MAP7: variants seen among roughly 807,000 people sequenced by gnomAD.
MAP7 encodes microtubule associated protein 7.
In MAP7, 52 loss-of-function variants were observed where a neutral mutation model predicts 94.8. The observed-to-expected ratio is 0.55, with a 90% CI of 0.44 to 0.69. The LOEUF is 0.69. Among genes scored for constraint, MAP7 ranks in the 30% least tolerant of loss-of-function variants. MAP7 has a pLI of 0.00. For missense variants in MAP7, 940 were observed against 964.6 expected, an observed-to-expected ratio of 0.97 and a Z score of 0.34; for synonymous variants, 350 against 357.0, an observed-to-expected ratio of 0.98 and a Z score of 0.22.
intron 1 of MAP7, among the ~76,000 whole-genome samples, chr6:136,468,848 C>T (rs368317596): frequency 3.9e-5 from 6 of 152,122 alleles, no homozygotes; most frequent in East Asian, 1.9e-4. Context: ...TTCTCACTTC[C>T]GAGCAACAAA....
intron 1 of MAP7, among the ~76,000 whole-genome samples, chr6:136,493,121 CTTTT>C (rs397795796): frequency 4.1e-5 from 5 of 123,338 alleles, no homozygotes; most frequent in Non-Finnish European, 8.3e-5. Flanking sequence ...TTCTTCTTTC[CTTTT>C]TTTTTTTTTT....
intron 1 of MAP7, among the ~76,000 whole-genome samples, chr6:136,435,998 G>A (rs1019403335): frequency 6.6e-6 from 1 of 152,074 alleles, no homozygotes; most frequent in African/African-American, 2.4e-5. Flanking sequence ...GTGCAAATGT[G>A]TCCCAGCTTT....
At chr6:136,373,596 G>C (rs1354367967) in intron 7 of MAP7, among the ~76,000 whole-genome samples, 11 of 152,170 alleles carry the variant, frequency 7.2e-5, no homozygotes, top group Non-Finnish European at 1.6e-4. Context: ...AAAAGTGTGA[G>C]TATTCAGGTT....
intron 1 of MAP7, among the ~76,000 whole-genome samples, chr6:136,431,378 A>G (rs9376187): frequency 0.1 from 15,221 of 152,238 alleles, 1,655 homozygotes; most frequent in East Asian, 0.27. Context: ...ACATAATGGG[A>G]AATACTTGAT....
chr6:136,354,212 C>T (rs934234999), intron 16 of MAP7, among the ~76,000 whole-genome samples: 68 of 142,482 alleles, frequency 4.8e-4, no homozygotes, highest in African/African-American at 1.6e-3. Flanking sequence ...TATAAATTTC[C>T]TTTATATAAA....
At chr6:136,354,447 GTAGA>G in intron 16 of MAP7, among the ~76,000 whole-genome samples, 1 of 128,122 alleles carries the variant, frequency 7.8e-6, no homozygotes, top group Non-Finnish European at 1.5e-5. Flanking sequence ...TATATATATA[GTAGA>G]TATATATAAA....
intron 1 of MAP7, among the ~76,000 whole-genome samples, chr6:136,446,455 C>A (rs907183636): frequency 1.3e-5 from 2 of 152,196 alleles, no homozygotes; most frequent in South Asian, 4.1e-4. Flanking sequence ...CAACCCAGTC[C>A]TTTTGAGCTT....
chr6:136,511,378 T>A (rs1314132956), intron 1 of MAP7, among the ~76,000 whole-genome samples: 1 of 151,788 alleles, frequency 6.6e-6, no homozygotes, highest in African/African-American at 2.4e-5. Flanking sequence ...AAATCCAGAG[T>A]GCTGAGGTTT....
intron 1 of MAP7, among the ~76,000 whole-genome samples, chr6:136,510,849 G>T (rs191735257): frequency 6.6e-6 from 1 of 151,928 alleles, no homozygotes; most frequent in Non-Finnish European, 1.5e-5. Context: ...TTCAGGCATC[G>T]ACTGAGGCTC....
At chr6:136,370,362 T>G (rs372475517) in intron 8 of MAP7, among the ~76,000 whole-genome samples, 143 of 152,294 alleles carry the variant, frequency 9.4e-4, no homozygotes, top group African/African-American at 3.3e-3. Flanking sequence ...GCATGGAGGC[T>G]CCTCAAAAAA....
chr6:136,468,583 C>A (rs1399276059), intron 1 of MAP7, among the ~76,000 whole-genome samples: 1 of 152,214 alleles, frequency 6.6e-6, no homozygotes, highest in African/African-American at 2.4e-5. Context: ...GCTAAGAACA[C>A]TGACATTAGG....
chr6:136,420,102 T>G (rs1790802623), intron 2 of MAP7: 3 of 859,052 alleles, frequency 3.5e-6, no homozygotes, highest in Admixed American at 3.5e-5. Context: ...TAAAGGAAAT[T>G]ATAAATGCTT....
At chr6:136,503,539 G>A (rs1041536407) in intron 1 of MAP7, among the ~76,000 whole-genome samples, 7 of 152,050 alleles carry the variant, frequency 4.6e-5, no homozygotes, top group Admixed American at 2.6e-4. Flanking sequence ...CAGTGACTCG[G>A]CATACCTTAG....
intron 6 of MAP7, among the ~76,000 whole-genome samples, chr6:136,381,304 G>A (rs577316829): frequency 6.6e-6 from 1 of 152,024 alleles, no homozygotes; most frequent in African/African-American, 2.4e-5. Flanking sequence ...CTCAGCCCCC[G>A]AGTAACTAGG....
At chr6:136,370,931 A>G (rs1314494400) in intron 8 of MAP7, among the ~76,000 whole-genome samples, 1 of 151,910 alleles carries the variant, frequency 6.6e-6, no homozygotes, top group African/African-American at 2.4e-5. Context: ...ACACAACTAA[A>G]TATTTTTTAA....
intron 3 of MAP7, among the ~76,000 whole-genome samples, chr6:136,396,784 T>C (rs956649278): frequency 6.6e-5 from 10 of 152,232 alleles, no homozygotes; most frequent in Non-Finnish European, 1.5e-4. Context: ...AAATTTACCA[T>C]AAAGATTAAC....
At chr6:136,382,489 A>G (rs1282581464) in intron 6 of MAP7, among the ~76,000 whole-genome samples, 6 of 152,212 alleles carry the variant, frequency 3.9e-5, no homozygotes, top group Non-Finnish European at 8.8e-5. Flanking sequence ...TTTGAAAATA[A>G]AGAATATGAA....
intron 2 of MAP7, among the ~76,000 whole-genome samples, chr6:136,419,257 A>G (rs369500123): frequency 4.3e-4 from 65 of 152,356 alleles, no homozygotes; most frequent in African/African-American, 1.5e-3. Flanking sequence ...CTAACACTAG[A>G]TGAATAAATG....
chr6:136,352,336 C>T (rs1211089153), intron 16 of MAP7, among the ~76,000 whole-genome samples: 13 of 151,774 alleles, frequency 8.6e-5, no homozygotes, highest in Non-Finnish European at 1.8e-4. Context: ...GATAGGTGTA[C>T]GCCACTGGGC....
Sources: allele counts gnomAD v4.1 joint callset (sites outside exome capture counted in the v4.1 genomes callset), GRCh38; gene constraint gnomAD v4.1.1; transcripts MANE v1.5; gene names NCBI Gene and HGNC (gene_info 2026-07-23, HGNC 2026-07-21).